Variants in TAS2R1 observed in about 807,000 individuals in gnomAD.
The protein encoded by TAS2R1 is taste receptor type 2 member 1.
For synonymous variants in TAS2R1, 141 were observed against 134.2 expected (o/e 1.05, Z -0.35); for missense variants, 370 against 353.4 (o/e 1.05, Z -0.38).
At chr5:9,890,925 A>C in the TAS2R1 span, among the ~76,000 whole-genome samples, 50 of 152,334 alleles carry the variant, frequency 3.3e-4, no homozygotes, top group Non-Finnish European at 6.2e-4. Context: ...CCATGTGGAC[A>C]TCGTTTTTTG....
chr5:9,786,948 G>A, the TAS2R1 span, among the ~76,000 whole-genome samples: 1 of 151,994 alleles, frequency 6.6e-6, no homozygotes, highest in Non-Finnish European at 1.5e-5. Context: ...CCTCTCCCAG[G>A]AATCTTTCTC....
intron 1 of TAS2R1, among the ~76,000 whole-genome samples, chr5:9,686,597 G>A (rs930391025): frequency 2.6e-5 from 4 of 152,140 alleles, no homozygotes; most frequent in African/African-American, 4.8e-5. Context: ...GAGAGACAAA[G>A]ATGGGGGGAA....
chr5:9,789,485 A>T, the TAS2R1 span, among the ~76,000 whole-genome samples: 1 of 152,200 alleles, frequency 6.6e-6, no homozygotes, highest in African/African-American at 2.4e-5. Flanking sequence ...TGGAACTTCA[A>T]CGTGGAGCCA....
chr5:9,701,596 T>G (rs1456194900), intron 1 of TAS2R1, among the ~76,000 whole-genome samples: 1 of 152,190 alleles, frequency 6.6e-6, no homozygotes, highest in Non-Finnish European at 1.5e-5. Flanking sequence ...CTAAAGGAAA[T>G]CTAAATGCTA....
At chr5:9,656,404 T>C (rs1189464509) in intron 2 of TAS2R1, among the ~76,000 whole-genome samples, 3 of 152,150 alleles carry the variant, frequency 2.0e-5, no homozygotes, top group African/African-American at 7.2e-5. Context: ...TTGGCACACA[T>C]GATTACGTCC....
chr5:9,802,859 C>T, the TAS2R1 span, among the ~76,000 whole-genome samples: 16 of 152,002 alleles, frequency 1.1e-4, no homozygotes, highest in Non-Finnish European at 1.9e-4. Flanking sequence ...GCCGAGATCG[C>T]GCCACTGCAC....
At chr5:9,633,299 T>TATATATATATATATA, upstream of TAS2R1, among the ~76,000 whole-genome samples, 1 of 112,950 alleles carries the variant, frequency 8.9e-6, no homozygotes, top group East Asian at 2.9e-4. Flanking sequence ...GTATATTATA[T>TATATATATATATATA]ATATATATAT....
the TAS2R1 span, among the ~76,000 whole-genome samples, chr5:9,852,853 AT>A: frequency 2.2e-4 from 23 of 104,782 alleles, no homozygotes; most frequent in East Asian, 2.1e-3. Flanking sequence ...AAAAAAAAAA[AT>A]ATATATATAT....
intron 1 of TAS2R1, among the ~76,000 whole-genome samples, chr5:9,675,362 G>A (rs1315025310): frequency 6.7e-6 from 1 of 149,538 alleles, no homozygotes; most frequent in African/African-American, 2.5e-5. Context: ...ATTCATTCTT[G>A]TATGTTTATT....
At chr5:9,806,602 A>G in the TAS2R1 span, among the ~76,000 whole-genome samples, 1 of 152,158 alleles carries the variant, frequency 6.6e-6, no homozygotes, top group Admixed American at 6.5e-5. Context: ...TCAAATACTT[A>G]CAGCCAATTG....
At chr5:9,757,186 T>C in the TAS2R1 span, among the ~76,000 whole-genome samples, 4 of 152,228 alleles carry the variant, frequency 2.6e-5, no homozygotes, top group Non-Finnish European at 4.4e-5. Flanking sequence ...GATTTAGTTA[T>C]TAAAAACCAA....
At chr5:9,709,569 A>C (rs549676544) in intron 1 of TAS2R1, among the ~76,000 whole-genome samples, 3 of 152,202 alleles carry the variant, frequency 2.0e-5, no homozygotes, top group Non-Finnish European at 4.4e-5. Flanking sequence ...TTCTGAGGTT[A>C]GATGATAAAA....
At chr5:9,685,253 A>G (rs1741103189) in intron 1 of TAS2R1, among the ~76,000 whole-genome samples, 1 of 152,184 alleles carries the variant, frequency 6.6e-6, no homozygotes, top group Non-Finnish European at 1.5e-5. Flanking sequence ...TCAACAACCC[A>G]AGCTGAGACT....
At chr5:9,635,882 A>G (rs1047288092) in intron 2 of TAS2R1, among the ~76,000 whole-genome samples, 5 of 152,084 alleles carry the variant, frequency 3.3e-5, no homozygotes, top group Admixed American at 2.0e-4. Context: ...CCTTTCAAAG[A>G]ACCAGCTTTT....
the TAS2R1 span, among the ~76,000 whole-genome samples, chr5:9,875,972 T>C: frequency 2.0e-5 from 3 of 152,132 alleles, no homozygotes; most frequent in Non-Finnish European, 4.4e-5. Context: ...GCATTGTAAC[T>C]CCCACTTTGC....
At chr5:9,894,862 G>A in the TAS2R1 span, among the ~76,000 whole-genome samples, 2 of 152,258 alleles carry the variant, frequency 1.3e-5, no homozygotes, top group Admixed American at 6.5e-5. Context: ...AGCAAAGGTT[G>A]CCTTATACCA....
the TAS2R1 span, among the ~76,000 whole-genome samples, chr5:9,756,106 T>G: frequency 6.6e-6 from 1 of 152,198 alleles, no homozygotes; most frequent in Admixed American, 6.5e-5. Flanking sequence ...TTTGGCAGCA[T>G]CTAAATGACA....
At chr5:9,873,582 G>A in the TAS2R1 span, among the ~76,000 whole-genome samples, 10 of 151,882 alleles carry the variant, frequency 6.6e-5, no homozygotes, top group Non-Finnish European at 1.2e-4. Flanking sequence ...AAAAGGGAGG[G>A]GACGCTGGGC....
At chr5:9,760,945 C>T in the TAS2R1 span, 1 of 152,196 alleles carries the variant, frequency 6.6e-6, no homozygotes, top group Admixed American at 6.5e-5. Context: ...CCGAGCTCGT[C>T]GATCTCCGAA....
Sources: gnomAD v4.1 joint callset for allele counts (sites outside exome capture counted in the v4.1 genomes callset) on GRCh38, gnomAD v4.1.1 for gene constraint, MANE v1.5 for transcripts, NCBI Gene and HGNC (gene_info 2026-07-23, HGNC 2026-07-21) for gene names.